SFT2D1: variants seen among roughly 807,000 people sequenced by gnomAD.
SFT2D1 encodes vesicle transport protein SFT2A.
Under a neutral mutation model 28.1 loss-of-function variants are expected in SFT2D1, and 24 were observed. The observed-to-expected ratio is 0.85, with a 90% CI of 0.62 to 1.20. The LOEUF is 1.20. Among genes scored for constraint, SFT2D1 ranks in the 50% most tolerant of loss-of-function variants. The pLI, the probability that SFT2D1 is intolerant of heterozygous loss-of-function variation, is 0.00. For missense variants in SFT2D1, 181 were observed against 190.9 expected (o/e 0.95, Z 0.31); for synonymous variants, 82 against 73.7 (o/e 1.11, Z -0.58).
intron 7 of SFT2D1, among the ~76,000 whole-genome samples, chr6:166,320,746 C>A (rs576518694): frequency 6.6e-6 from 1 of 151,546 alleles, no homozygotes; most frequent in South Asian, 2.1e-4. Context: ...CAAACTCCTG[C>A]GCTCAAGCCA....
At chr6:166,340,107 C>A in intron 1 of SFT2D1, among the ~76,000 whole-genome samples, 1 of 152,256 alleles carries the variant, frequency 6.6e-6, no homozygotes, top group East Asian at 1.9e-4. Context: ...AACAGTGTGG[C>A]CTGCTGGCTG....
At chr6:166,334,299 C>T (rs1331135133) in intron 1 of SFT2D1, among the ~76,000 whole-genome samples, 2 of 152,330 alleles carry the variant, frequency 1.3e-5, no homozygotes, top group South Asian at 4.1e-4. Context: ...GGCTGCTACA[C>T]CAAAAATACC....
At chr6:166,329,967 T>C (rs1380892674) in intron 2 of SFT2D1, among the ~76,000 whole-genome samples, 194 bp downstream of exon 2, 3 of 152,196 alleles carry the variant, frequency 2.0e-5, no homozygotes, top group Non-Finnish European at 4.4e-5. Context: ...ATTTCAACTA[T>C]CCACAAAACT....
chr6:166,337,989 C>T (rs1778692125), intron 1 of SFT2D1, among the ~76,000 whole-genome samples: 1 of 152,124 alleles, frequency 6.6e-6, no homozygotes, highest in African/African-American at 2.4e-5. Flanking sequence ...AAGATATAAC[C>T]AGAGGCAACA....
chr6:166,340,653 T>G (rs1460973357), intron 1 of SFT2D1, among the ~76,000 whole-genome samples: 1 of 152,194 alleles, frequency 6.6e-6, no homozygotes, highest in Non-Finnish European at 1.5e-5. Context: ...ATCTAAGTAA[T>G]ATGGCAACCC....
At chr6:166,329,015 A>C (rs1300287010) in intron 3 of SFT2D1, among the ~76,000 whole-genome samples, 1 of 152,210 alleles carries the variant, frequency 6.6e-6, no homozygotes, top group African/African-American at 2.4e-5. Context: ...CTTCATTAAA[A>C]TGTAAGCTCC....
chr6:166,335,053 A>G, intron 1 of SFT2D1: 4 of 541,758 alleles, frequency 7.4e-6, no homozygotes, highest in South Asian at 3.0e-5. Flanking sequence ...CGCTGTGGAC[A>G]AGACTGTCAC....
intron 1 of SFT2D1, among the ~76,000 whole-genome samples, chr6:166,333,550 C>T (rs997271299): frequency 2.0e-5 from 3 of 152,192 alleles, no homozygotes; most frequent in South Asian, 4.1e-4. Context: ...GTTTTTTCAG[C>T]GGCTTCAACA....
chr6:166,333,393 C>G (rs1050544085), intron 1 of SFT2D1, among the ~76,000 whole-genome samples: 1 of 152,210 alleles, frequency 6.6e-6, no homozygotes, highest in East Asian at 1.9e-4. Flanking sequence ...AGTGACCCAG[C>G]CCAGGGCAGT....
At chr6:166,331,736 C>T (rs1778555803) in intron 1 of SFT2D1, among the ~76,000 whole-genome samples, 1 of 152,160 alleles carries the variant, frequency 6.6e-6, no homozygotes, top group Non-Finnish European at 1.5e-5. Flanking sequence ...TTCATTTAAC[C>T]ATCCCACAAA....
At position 166,331,766 on chromosome 6, in the gene SFT2D1, T is replaced by C. The variant is rs146101046; in HGVS notation, c.64-1519A>G. 2.9e-3 allele frequency among the ~76,000 whole-genome samples: 438 copies of C among 152,298 alleles called. 3 individuals carry two copies. Among genetic ancestry groups the C allele is most frequent in the African/African-American group, 9.8e-3 (408 of 41,552 alleles). ...CACAAAGTATACATAGGTCAAAACA[T>C]CACGCTGTACACAATAAATGTATAT... On this transcript the variant is annotated intron_variant, in intron 1 of 7. Coordinates refer to ENST00000361731, the MANE Select transcript of SFT2D1 (RefSeq NM_145169.3).
At chr6:166,325,507 TAGG>T (rs1583034940) in intron 5 of SFT2D1, among the ~76,000 whole-genome samples, 1 of 152,324 alleles carries the variant, frequency 6.6e-6, no homozygotes, top group East Asian at 1.9e-4. Flanking sequence ...CTCCACAGGG[TAGG>T]AGAATGATTT....
At chr6:166,333,557 A>G (rs183751099) in intron 1 of SFT2D1, among the ~76,000 whole-genome samples, 1 of 152,234 alleles carries the variant, frequency 6.6e-6, no homozygotes, top group African/African-American at 2.4e-5. Context: ...CAGCGGCTTC[A>G]ACAGGACATT....
At chr6:166,342,322 C>T in intron 1 of SFT2D1, 97 bp downstream of exon 1, 1 of 1,132,416 alleles carries the variant, frequency 8.8e-7, no homozygotes, top group African/African-American at 1.6e-5. Flanking sequence ...AGTCCCAGAC[C>T]CCCGGCCTCG....
rs774435282 is a variant in SFT2D1 at position 166,330,882 on chromosome 6, A to T, written c.64-635T>A. Among the ~76,000 whole-genome samples the T allele has an allele frequency of 6.6e-5, 10 of 152,236 alleles. 1 individual carries two copies. The highest frequency in any genetic ancestry group is 1.3e-4 in the Non-Finnish European group (9 of 68,028). ...GCCACCTACAGGAGGCAGCCTGAGCAGCCCCAGCAGAGACGATCACAGCAC... is the reference window on the plus strand; with the variant it reads ...GCCACCTACAGGAGGCAGCCTGAGCTGCCCCAGCAGAGACGATCACAGCAC... On this transcript the variant is annotated intron_variant, in intron 1 of 7. Coordinates refer to ENST00000361731, the MANE Select transcript of SFT2D1 (RefSeq NM_145169.3).
intron 1 of SFT2D1, chr6:166,335,314 T>A (rs1778626212): frequency 1.7e-6 from 1 of 578,544 alleles, no homozygotes; most frequent in Non-Finnish European, 3.3e-6. Context: ...ATGGCTGTAA[T>A]GGATTTGGTA....
chr6:166,335,240 G>C (rs1349032020), intron 1 of SFT2D1: 7 of 595,458 alleles, frequency 1.2e-5, no homozygotes, highest in Non-Finnish European at 1.9e-5. Context: ...GGAAATTTCA[G>C]TGGTCATGAT....
At chr6:166,337,119 G>A (rs370921997) in intron 1 of SFT2D1, among the ~76,000 whole-genome samples, 2 of 152,210 alleles carry the variant, frequency 1.3e-5, no homozygotes, top group Non-Finnish European at 2.9e-5. Flanking sequence ...AGGCAGTGTA[G>A]CCCCTGGGGA....
intron 1 of SFT2D1, chr6:166,334,680 A>G (rs903181933): frequency 2.9e-5 from 7 of 240,462 alleles, no homozygotes; most frequent in African/African-American, 4.8e-5. Context: ...TGAGAACCTG[A>G]GAAGCCAATC....
Sources: gnomAD v4.1 joint callset for allele counts (sites outside exome capture counted in the v4.1 genomes callset) on GRCh38, gnomAD v4.1.1 for gene constraint, MANE v1.5 for transcripts, NCBI Gene and HGNC (gene_info 2026-07-23, HGNC 2026-07-21) for gene names.